HECW2: variants seen among roughly 807,000 people sequenced by gnomAD.
HECW2 encodes HECT, C2 and WW domain containing E3 ubiquitin protein ligase 2, also known as E3 ubiquitin-protein ligase HECW2.
HECW2 carries 61 observed loss-of-function variants against 175.2 expected under a neutral mutation model. The observed-to-expected ratio is 0.35, with a 90% CI of 0.28 to 0.43. The LOEUF (loss-of-function observed/expected upper bound fraction) is 0.43, where lower values mean the gene tolerates loss of function less well. Ranked by LOEUF, HECW2 falls within the 20% of genes least tolerant of loss-of-function variation. HECW2 has a pLI of 1.00. For synonymous variants in HECW2, 671 were observed against 731.0 expected (o/e 0.92, Z 1.32); for missense variants, 1,524 against 2,000.5 (o/e 0.76, Z 4.54).
At chr2:196,496,687 T>G (rs904583411) in intron 1 of HECW2, among the ~76,000 whole-genome samples, 7 of 152,184 alleles carry the variant, frequency 4.6e-5, no homozygotes, top group African/African-American at 1.7e-4. Flanking sequence ...TTATAATTAG[T>G]CTAAAATTTG....
At chr2:196,418,273 C>A (rs930902206) in intron 2 of HECW2, among the ~76,000 whole-genome samples, 3 of 152,030 alleles carry the variant, frequency 2.0e-5, no homozygotes, top group South Asian at 4.2e-4. Flanking sequence ...GGACTACAGG[C>A]GCCTGCCACC....
intron 17 of HECW2, among the ~76,000 whole-genome samples, chr2:196,258,411 T>C (rs924917693): frequency 1.3e-5 from 2 of 152,194 alleles, no homozygotes; most frequent in African/African-American, 4.8e-5. Context: ...TAAAAGCATA[T>C]GTATATATTC....
rs1247733230 is a variant in HECW2, at chr2:196,511,255, T to C, written c.-35-77797A>G. Reference sequence around the variant, plus strand: ...AATAAATATTTTGGGAATTATAAAATATTAAATTCCTAAATGTGAAATCAC... The same window carrying C: ...AATAAATATTTTGGGAATTATAAAACATTAAATTCCTAAATGTGAAATCAC... On this transcript the variant is annotated intron_variant, in intron 1 of 28. Transcript: ENST00000644978. Among the ~76,000 whole-genome samples the C allele has an allele frequency of 2.6e-5, 4 of 152,362 alleles. No homozygotes were observed. In the East Asian group the frequency reaches 7.7e-4, roughly 29 times the overall value.
intron 4 of HECW2, among the ~76,000 whole-genome samples, chr2:196,330,710 C>T (rs1039208806): frequency 5.3e-5 from 8 of 152,148 alleles, no homozygotes. Flanking sequence ...CCGCCATCAG[C>T]AAGAATTCTG....
intron 1 of HECW2, among the ~76,000 whole-genome samples, chr2:196,561,527 T>C (rs1038313763): frequency 2.6e-5 from 4 of 152,156 alleles, no homozygotes; most frequent in African/African-American, 7.2e-5. Flanking sequence ...TCTTTGAAAA[T>C]TGCTAATAAA....
chr2:196,293,468 T>TGCA (rs1211383951), intron 13 of HECW2, among the ~76,000 whole-genome samples: 1 of 152,242 alleles, frequency 6.6e-6, no homozygotes, highest in Non-Finnish European at 1.5e-5. Context: ...AACATATATG[T>TGCA]GCAGGTATCT....
chr2:196,376,687 C>T (rs1457107619), intron 2 of HECW2, among the ~76,000 whole-genome samples: 1 of 147,126 alleles, frequency 6.8e-6, no homozygotes, highest in Non-Finnish European at 1.5e-5. Context: ...AGTCCCAGCA[C>T]TTTGGGAGGC....
intron 14 of HECW2, chr2:196,292,102 C>G (rs1443808603): frequency 1.3e-5 from 2 of 154,096 alleles, no homozygotes; most frequent in Non-Finnish European, 2.9e-5. Context: ...CAGTTCTGAA[C>G]CAGTAAGACT....
At chr2:196,523,172 C>T (rs1032109720) in intron 1 of HECW2, among the ~76,000 whole-genome samples, 7 of 151,784 alleles carry the variant, frequency 4.6e-5, no homozygotes, top group Admixed American at 2.0e-4. Context: ...GGTTTGTACT[C>T]CTTGAAGAGG....
chr2:196,552,061 C>T (rs1020144570), intron 1 of HECW2, among the ~76,000 whole-genome samples: 6 of 152,122 alleles, frequency 3.9e-5, no homozygotes, highest in Admixed American at 2.0e-4. Flanking sequence ...ATTAAGACAG[C>T]GCCACAGGAC....
chr2:196,524,070 C>T (rs2125440372), intron 1 of HECW2, among the ~76,000 whole-genome samples: 1 of 144,020 alleles, frequency 6.9e-6, no homozygotes, highest in East Asian at 2.0e-4. Context: ...CCTCCTTGTA[C>T]CTCTGGTAGA....
chr2:196,384,719 A>G (rs913429307), intron 2 of HECW2, among the ~76,000 whole-genome samples: 1 of 152,206 alleles, frequency 6.6e-6, no homozygotes, highest in Admixed American at 6.5e-5. Flanking sequence ...TTCATTCATT[A>G]TGACATCCTG....
At chr2:196,263,789 C>T (rs750390021) in intron 17 of HECW2, 1 of 152,140 alleles carries the variant, frequency 6.6e-6, no homozygotes, top group Non-Finnish European at 1.5e-5. Context: ...TATCTGCATG[C>T]TAAGAACTTA....
chr2:196,359,320 C>T (rs1162604923), intron 2 of HECW2, among the ~76,000 whole-genome samples: 2 of 152,106 alleles, frequency 1.3e-5, no homozygotes, highest in Non-Finnish European at 2.9e-5. Flanking sequence ...TGATGGCACA[C>T]ATCTGTAGTC....
At chr2:196,578,869 A>G (rs1690658525) in intron 1 of HECW2, among the ~76,000 whole-genome samples, 1 of 152,194 alleles carries the variant, frequency 6.6e-6, no homozygotes. Flanking sequence ...TGAGGCTGAA[A>G]TAAAAACAAC....
intron 14 of HECW2, among the ~76,000 whole-genome samples, chr2:196,279,318 G>T (rs1000104256): frequency 2.0e-5 from 3 of 152,158 alleles, no homozygotes; most frequent in African/African-American, 7.2e-5. Context: ...AAAGTGCTGG[G>T]ATTACAGGCG....
chr2:196,582,837 T>C (rs1690839459), intron 1 of HECW2, among the ~76,000 whole-genome samples: 1 of 152,228 alleles, frequency 6.6e-6, no homozygotes, highest in Non-Finnish European at 1.5e-5. Context: ...TAAGTTTAGC[T>C]TCACTTGAAA....
At chr2:196,276,051 T>C (rs549127334) in intron 15 of HECW2, among the ~76,000 whole-genome samples, 2 of 152,346 alleles carry the variant, frequency 1.3e-5, no homozygotes, top group East Asian at 3.9e-4. Flanking sequence ...AGATAACTTA[T>C]CATTTCAACA....
rs571909491 is a variant in HECW2, at chr2:196,351,918, G to T, written c.293-8154C>A. Among the ~76,000 whole-genome samples, 190 of 152,234 alleles carry T rather than the reference G, an allele frequency of 1.2e-3. 1 individual carries two copies. The highest frequency in any genetic ancestry group is 3.9e-3 in the African/African-American group (164 of 41,524). Reference sequence around the variant, plus strand: ...AGAGGGACTGCTTGACTGTTAAAATGGTACAAATTTACCAGCAAGTACCAG... The same window carrying T: ...AGAGGGACTGCTTGACTGTTAAAATTGTACAAATTTACCAGCAAGTACCAG... On this transcript the variant is annotated intron_variant, in intron 2 of 28. Transcript: ENST00000644978.
Sources: allele counts gnomAD v4.1 joint callset (sites outside exome capture counted in the v4.1 genomes callset), GRCh38; gene constraint gnomAD v4.1.1; transcripts MANE v1.5; gene names NCBI Gene and HGNC (gene_info 2026-07-23, HGNC 2026-07-21).